The following NOL7 variants were observed in gnomAD, a reference collection of about 807,000 sequenced individuals.
The protein encoded by NOL7 is nucleolar protein 7.
A neutral mutation model predicts 38.4 loss-of-function variants in NOL7; 36 were observed. The observed-to-expected ratio is 0.94, with a 90% CI of 0.72 to 1.24. The LOEUF is 1.24. NOL7 is among the 50% of genes most tolerant of loss of function. NOL7 has a pLI of 0.00. For missense variants in NOL7, 350 were observed against 315.1 expected (o/e 1.11, Z -0.84); for synonymous variants, 142 against 126.5 (o/e 1.12, Z -0.82).
chr6:13,628,657 C>G (rs1002177840), intron 8 of NOL7, among the ~76,000 whole-genome samples: 4 of 152,208 alleles, frequency 2.6e-5, no homozygotes, highest in African/African-American at 9.6e-5. Context: ...ATCAAACTCC[C>G]AGTCGTAAAC....
chr6:13,625,190 C>T (rs554184260), downstream of NOL7, among the ~76,000 whole-genome samples: 2 of 152,282 alleles, frequency 1.3e-5, no homozygotes, highest in East Asian at 3.9e-4. Flanking sequence ...AATCTATGTT[C>T]TTAACGTTCT....
intron 8 of NOL7, among the ~76,000 whole-genome samples, chr6:13,630,129 T>C (rs941620014): frequency 6.6e-6 from 1 of 152,160 alleles, no homozygotes; most frequent in African/African-American, 2.4e-5. Context: ...GCTACTTATA[T>C]ATAAGGTGGG....
downstream of NOL7, among the ~76,000 whole-genome samples, chr6:13,624,359 T>G (rs569739345): frequency 1.1e-4 from 16 of 152,324 alleles, no homozygotes; most frequent in African/African-American, 3.8e-4. Flanking sequence ...ATCTACTTTT[T>G]GTGGCACTGC....
chr6:13,632,080 C>A (rs1043734838), intron 8 of NOL7, among the ~76,000 whole-genome samples: 2 of 129,558 alleles, frequency 1.5e-5, no homozygotes, highest in African/African-American at 5.8e-5. Context: ...TTAACGAGGA[C>A]ACACAATGTT....
intron 8 of NOL7, among the ~76,000 whole-genome samples, chr6:13,630,998 A>G (rs987111626): frequency 6.6e-6 from 1 of 151,988 alleles, no homozygotes. Context: ...TTTAGTAGAG[A>G]CGGGGTTTCA....
chr6:13,626,439 C>G (rs184370506), downstream of NOL7, among the ~76,000 whole-genome samples: 232 of 152,282 alleles, frequency 1.5e-3, no homozygotes, highest in African/African-American at 5.3e-3. Flanking sequence ...GGCTGTGTAG[C>G]CTTTGGCAAT....
At chr6:13,625,378 C>T (rs573613067), downstream of NOL7, among the ~76,000 whole-genome samples, 4 of 152,230 alleles carry the variant, frequency 2.6e-5, no homozygotes, top group South Asian at 6.2e-4. Flanking sequence ...AGTAGACATT[C>T]GTGGCTACCA....
downstream of NOL7, chr6:13,622,406 T>C (rs779478821): frequency 1.2e-6 from 2 of 1,601,146 alleles, no homozygotes; most frequent in East Asian, 2.3e-5. Context: ...CAGGATCCAA[T>C]TCCTGATCGA....
At position 13,615,535 on chromosome 6, in the gene NOL7, T is replaced by C. The variant is rs75029999; in HGVS notation, c.177T>C (p.Phe59=). The C allele has an allele frequency of 1.4e-3, 2,126 of 1,558,386 alleles. 31 individuals are homozygous for C. The African/African-American group carries it at 0.025, about 19-fold the overall frequency. The part of the protein sequence containing the change: ...LEEDEEGDDE[F]DDEAPEELTF... ...AAGACGAGGAAGGGGACGATGAGTTTGACGATGAGGCCCCGGAGGAGCTGA... is the reference window on the plus strand; with the variant it reads ...AAGACGAGGAAGGGGACGATGAGTTCGACGATGAGGCCCCGGAGGAGCTGA... The change falls in exon 1 of 8, where the codon TTT becomes TTC. Residue 59 remains phenylalanine (F), a synonymous_variant. Coordinates refer to ENST00000451315, the MANE Select transcript of NOL7 (RefSeq NM_016167.5).
chr6:13,626,665 T>C (rs1339081719), downstream of NOL7, among the ~76,000 whole-genome samples: 2 of 152,170 alleles, frequency 1.3e-5, no homozygotes, highest in African/African-American at 2.4e-5. Flanking sequence ...TCTTACCAAT[T>C]TGGAAGGCAG....
At position 13,615,504 on chromosome 6, in the gene NOL7, T is replaced by G. The variant is rs1430482796; in HGVS notation, c.146T>G (p.Leu49Arg). 1 of 1,554,292 alleles carries G rather than the reference T, an allele frequency of 6.4e-7. No individual in the cohort carries two copies. Residue 49 changes from leucine (L) to arginine (R), a missense_variant, in exon 1 of 8, where the codon CTG becomes CGG. Coordinates refer to ENST00000451315, the MANE Select transcript of NOL7 (RefSeq NM_016167.5). ...AGCAGCGGCGCGGCCGCCGAGCCCC[T>G]GGAGGAAGACGAGGAAGGGGACGAT... ...QPSSGAAAEP[L>R]EEDEEGDDEF...
chr6:13,617,435 C>A (rs904686986), intron 3 of NOL7, among the ~76,000 whole-genome samples: 10 of 152,208 alleles, frequency 6.6e-5, no homozygotes, highest in African/African-American at 2.4e-4. Context: ...ATGAGGCAGA[C>A]CTACTCCCAT....
rs534271583 is a variant in NOL7 at position 13,621,032 on chromosome 6, T to C, written c.*205T>C. On this transcript the variant is annotated 3_prime_UTR_variant, in exon 8 of 8. Transcript: ENST00000451315. ...AGAAGGAATTGTTTTCTTTTTAATATATTTAACTGAATTCAAGCCATACCC... is the reference window on the plus strand; with the variant it reads ...AGAAGGAATTGTTTTCTTTTTAATACATTTAACTGAATTCAAGCCATACCC... 131 of 366,614 alleles carry C rather than the reference T, an allele frequency of 3.6e-4. No homozygotes were observed. The highest frequency in any genetic ancestry group is 2.6e-3 in the African/African-American group (124 of 48,028). 22.7% of individuals were successfully genotyped at this position (366,614 alleles called of 1,614,324 possible). A position where few individuals can be genotyped will look rare whatever the true frequency, so the allele number is the denominator to read the frequency against.
At chr6:13,622,088 G>T, downstream of NOL7, 5 of 212,736 alleles carry the variant, frequency 2.4e-5, no homozygotes, top group Non-Finnish European at 3.6e-5. Flanking sequence ...TTAGGTAATT[G>T]TTTTAAAGGA....
downstream of NOL7, among the ~76,000 whole-genome samples, chr6:13,624,984 A>G (rs933544646): frequency 6.6e-6 from 1 of 152,200 alleles, no homozygotes; most frequent in African/African-American, 2.4e-5. Flanking sequence ...TAGCTCAAGC[A>G]AAATGGTTGG....
At chr6:13,627,630 CAAAAAA>C (rs35401168) in intron 8 of NOL7, among the ~76,000 whole-genome samples, 37 of 66,408 alleles carry the variant, frequency 5.6e-4, no homozygotes, top group Non-Finnish European at 9.6e-4. Flanking sequence ...ACTCCATCTC[CAAAAAA>C]AAAAAAAAAA....
chr6:13,625,696 A>T (rs773076004), downstream of NOL7: 7 of 1,613,316 alleles, frequency 4.3e-6, no homozygotes, highest in Non-Finnish European at 5.9e-6. Flanking sequence ...GTTCTCTCTG[A>T]ATCGGGTCAA....
chr6:13,621,296 T>TGAA lies in NOL7; in HGVS notation c.*471_*473dup, dbSNP rs1208031588. ...TGCCATATTATGAATATGAAAATAATGAAGTTAATTTCCTGTTGCCTTTCT... is the reference window on the plus strand; with the variant it reads ...TGCCATATTATGAATATGAAAATAATGAAGAAGTTAATTTCCTGTTGCCTTTCT... On this transcript the variant is annotated 3_prime_UTR_variant, in exon 8 of 8. Coordinates refer to ENST00000451315, the MANE Select transcript of NOL7 (RefSeq NM_016167.5). 1 of 152,438 alleles carries TGAA rather than the reference T, an allele frequency of 6.6e-6. No homozygotes were observed. Among genetic ancestry groups the TGAA allele is most frequent in the African/African-American group, 2.4e-5 (1 of 41,458 alleles). The allele number at this position is 152,438 out of a possible 1,614,324, so 9.4% of individuals were successfully genotyped here.
chr6:13,620,864 T>C lies in NOL7; in HGVS notation c.*37T>C. ...ATGAAGAATCTGTACTTTGTATGTA[T>C]AGAATTTATCTAATAAATCATTCAT... On this transcript the variant is annotated 3_prime_UTR_variant, in exon 8 of 8. Coordinates refer to ENST00000451315, the MANE Select transcript of NOL7 (RefSeq NM_016167.5). The C allele has an allele frequency of 4.1e-6, 5 of 1,231,580 alleles. No individual in the cohort carries two copies. Among genetic ancestry groups the C allele is most frequent in the African/African-American group, 1.5e-5 (1 of 65,822 alleles). The allele number at this position is 1,231,580 out of a possible 1,614,324, so 76.3% of individuals were successfully genotyped here.
Sources: allele counts gnomAD v4.1 joint callset (sites outside exome capture counted in the v4.1 genomes callset), GRCh38; gene constraint gnomAD v4.1.1; transcripts MANE v1.5; gene names NCBI Gene and HGNC (gene_info 2026-07-23, HGNC 2026-07-21).